Variants in PTCRA observed in about 807,000 individuals in gnomAD.
The protein encoded by PTCRA is pre T cell antigen receptor alpha, also known as pre T-cell antigen receptor alpha.
PTCRA carries 9 observed loss-of-function variants against 13.4 expected under a neutral mutation model. The ratio of observed to expected loss-of-function variants is 0.67; its 90% confidence interval spans 0.41 to 1.18. The LOEUF (loss-of-function observed/expected upper bound fraction) is 1.18, where lower values mean the gene tolerates loss of function less well. Ranked by LOEUF, PTCRA falls within the 50% of genes most tolerant of loss-of-function variation. PTCRA has a pLI of 0.01. For missense variants in PTCRA, 353 were observed against 359.8 expected (o/e 0.98, Z 0.15); for synonymous variants, 153 against 161.9 (o/e 0.94, Z 0.42).
At chr6:42,921,258 C>G (rs564794368) in intron 1 of PTCRA, among the ~76,000 whole-genome samples, 2 of 150,828 alleles carry the variant, frequency 1.3e-5, no homozygotes, top group African/African-American at 2.4e-5. Flanking sequence ...TGCACCACCA[C>G]GCCCGACTAA....
Position 42,916,132 on chromosome 6 carries a change from G to A in PTCRA, c.58+5G>A, listed in dbSNP as rs1341859576. 1.1e-5 allele frequency: 18 copies of A among 1,613,760 alleles called. No individual in the cohort carries two copies. The highest frequency in any genetic ancestry group is 5.5e-5 in the South Asian group (5 of 91,060). On this transcript the variant is annotated splice_donor_5th_base_variant and intron_variant, in intron 1 of 3. Coordinates refer to ENST00000304672, the MANE Select transcript of PTCRA (RefSeq NM_138296.3). Reference sequence around the variant, plus strand: ...GGTGTCCAGCCCTACCCACAGGTGAGCCCCCTCTTTGCCTTCCTCTCTGTC... The same window carrying A: ...GGTGTCCAGCCCTACCCACAGGTGAACCCCCTCTTTGCCTTCCTCTCTGTC...
In PTCRA at chr6:42,922,364, G is replaced by A. The variant is rs902140191; in HGVS notation, c.59-663G>A. On this transcript the variant is annotated intron_variant, in intron 1 of 3. Coordinates refer to ENST00000304672, the MANE Select transcript of PTCRA (RefSeq NM_138296.3). ...CCCAATGTTGTATCTCTAGTTCCTG[G>A]AACAGAAAGGGGCTCGGATATCATA... The A allele has an allele frequency of 2.6e-5, 17 of 648,862 alleles. No individual in the cohort carries two copies. In the African/African-American group the frequency reaches 3.1e-4, roughly 12 times the overall value. 40.2% of individuals were successfully genotyped at this position (648,862 alleles called of 1,614,324 possible).
intron 1 of PTCRA, chr6:42,922,174 A>G (rs1017392267): frequency 4.4e-6 from 3 of 687,828 alleles, no homozygotes; most frequent in African/African-American, 3.6e-5. Context: ...AAAAGAAACA[A>G]AAAGTTACAG....
At chr6:42,919,072 T>C (rs1247802174) in intron 1 of PTCRA, among the ~76,000 whole-genome samples, 1 of 141,226 alleles carries the variant, frequency 7.1e-6, no homozygotes, top group African/African-American at 2.7e-5. Context: ...TGAGACAGAG[T>C]CCCGCTCTGT....
intron 1 of PTCRA, among the ~76,000 whole-genome samples, chr6:42,919,726 AG>A (rs1424038969): frequency 6.6e-6 from 1 of 150,650 alleles, no homozygotes; most frequent in African/African-American, 2.4e-5. Flanking sequence ...CAAAAAAAAA[AG>A]AAAAAAAATT....
chr6:42,923,073 G>C lies in PTCRA; in HGVS notation c.105G>C (p.Leu35=). The change falls in exon 2 of 4, where the codon CTG becomes CTC. Residue 35 remains leucine, a synonymous_variant. Transcript: ENST00000304672. The stretch of plus-strand genomic sequence containing the variant: ...CTTCTCTGGCCCCACCAATCATGCT[G>C]CTGGTGGATGGAAAGCAGCAGATGG... ...PFPSLAPPIM[L]LVDGKQQMVV... is the part of the protein sequence containing the mutation. 8 of 1,614,250 alleles carry C rather than the reference G, an allele frequency of 5.0e-6. No homozygotes were observed. Among genetic ancestry groups the C allele is most frequent in the Non-Finnish European group, 6.8e-6 (8 of 1,180,052 alleles).
intron 1 of PTCRA, chr6:42,922,256 A>G (rs1767208369): frequency 1.4e-6 from 1 of 702,564 alleles, no homozygotes; most frequent in Non-Finnish European, 2.6e-6. Flanking sequence ...GGCTGCCACA[A>G]CAGGGTATTA....
In PTCRA at chr6:42,925,754, G is replaced by C; in HGVS notation, c.*72G>C. On this transcript the variant is annotated 3_prime_UTR_variant, in exon 4 of 4. Transcript: ENST00000304672. This position sits in a 1 kb window ranked among gnomAD's most constrained non-coding sequence, Gnocchi z 4.4. ...TCTGCCATCCAAAAGGGGGCCCCTT[G>C]AGAATGGTGATCCACCCAGTTACAG... The C allele has an allele frequency of 9.5e-7, 1 of 1,054,668 alleles. No individual in the cohort carries two copies. The highest frequency in any genetic ancestry group is 2.7e-5 in the East Asian group (1 of 37,292). 65.3% of individuals were successfully genotyped at this position (1,054,668 alleles called of 1,614,324 possible). A position where few individuals can be genotyped will look rare whatever the true frequency, so the allele number is the denominator to read the frequency against.
Position 42,916,075 on chromosome 6 carries a change from C to G in PTCRA, c.6C>G (p.Ala2=). Residue 2 remains alanine, a synonymous_variant, in exon 1 of 4, where the codon GCC becomes GCG. Transcript: ENST00000304672. ...TGCCTCCTTCCGAGTGGGCCATGGC[C>G]GGTACATGGCTGCTACTTCTCCTGG... M[A]GTWLLLLLAL... The G allele has an allele frequency of 6.2e-7, 1 of 1,613,906 alleles. No homozygotes were observed. The highest frequency in any genetic ancestry group is 8.5e-7 in the Non-Finnish European group (1 of 1,179,866).
At chr6:42,924,799 C>T (rs1041145844) in intron 3 of PTCRA, among the ~76,000 whole-genome samples, 4 of 151,944 alleles carry the variant, frequency 2.6e-5, no homozygotes, top group African/African-American at 7.3e-5. Flanking sequence ...GGTGAAACCC[C>T]GTCTCTACTA....
At chr6:42,923,751 A>T (rs565807272) in intron 2 of PTCRA, among the ~76,000 whole-genome samples, 1 of 152,330 alleles carries the variant, frequency 6.6e-6, no homozygotes. Flanking sequence ...GACAGGTCAT[A>T]TAATTCCCTC....
chr6:42,918,284 C>T (rs912090720), intron 1 of PTCRA, among the ~76,000 whole-genome samples: 3 of 149,892 alleles, frequency 2.0e-5, no homozygotes, highest in Non-Finnish European at 4.4e-5. Context: ...GCATGGGGCT[C>T]ATGCCTGTAA....
intron 3 of PTCRA, 70 bp downstream of exon 3, chr6:42,924,343 C>T: frequency 7.3e-7 from 1 of 1,373,134 alleles, no homozygotes; most frequent in Non-Finnish European, 1.0e-6. Flanking sequence ...GGGGTGGGGC[C>T]TTCAGCTCTG....
At chr6:42,916,584 A>C (rs1309444107) in intron 1 of PTCRA, among the ~76,000 whole-genome samples, 1 of 152,150 alleles carries the variant, frequency 6.6e-6, no homozygotes, top group South Asian at 2.1e-4. Context: ...AATAGGACTC[A>C]GGGTGTCTCA....
chr6:42,919,185 G>C (rs946298291), intron 1 of PTCRA, among the ~76,000 whole-genome samples: 1 of 148,780 alleles, frequency 6.7e-6, no homozygotes, highest in African/African-American at 2.5e-5. Flanking sequence ...TAGTAGAGAC[G>C]GGGTTTCACC....
At chr6:42,923,839 A>C (rs78524782) in intron 2 of PTCRA, among the ~76,000 whole-genome samples, 2,135 of 152,314 alleles carry the variant, frequency 0.014, 46 homozygotes, top group African/African-American at 0.049. Flanking sequence ...GTATTTTGAA[A>C]CAGTCAGCTA....
intron 1 of PTCRA, among the ~76,000 whole-genome samples, chr6:42,922,530 C>T (rs1331208806): frequency 4.0e-5 from 6 of 151,890 alleles, no homozygotes; most frequent in African/African-American, 7.3e-5. Flanking sequence ...GGGTGGATCA[C>T]GAGGTCAGGA....
intron 1 of PTCRA, chr6:42,922,378 T>C: frequency 1.6e-6 from 1 of 629,276 alleles, no homozygotes. Context: ...AGAAAGGGGC[T>C]CGGATATCAT....
Position 42,923,140 on chromosome 6 carries a change from G to T in PTCRA, c.172G>T (p.Asp58Tyr), listed in dbSNP as rs1251820745. 1 of 1,614,212 alleles carries T rather than the reference G, an allele frequency of 6.2e-7. No homozygotes were observed. The highest frequency in any genetic ancestry group is 1.1e-5 in the South Asian group (1 of 91,086). ...CCTTGATGTTGCACCCCCTGGCCTT[G>T]ACAGCCCCATCTGGTTCTCAGCCGG... ...LVLDVAPPGL[D>Y]SPIWFSAGNG... is the part of the protein sequence containing the mutation. The change falls in exon 2 of 4, where the codon GAC (aspartate) becomes TAC (tyrosine). Residue 58 changes from aspartate (D) to tyrosine (Y), a missense_variant. Asp to Tyr is a radical substitution (Grantham distance 160, BLOSUM62 -3). Coordinates refer to ENST00000304672, the MANE Select transcript of PTCRA (RefSeq NM_138296.3).
Sources: gnomAD v4.1 joint callset for allele counts (sites outside exome capture counted in the v4.1 genomes callset) on GRCh38, gnomAD v4.1.1 for gene constraint, Gnocchi (gnomAD v3.1) non-coding constraint, MANE v1.5 for transcripts, NCBI Gene and HGNC (gene_info 2026-07-23, HGNC 2026-07-21) for gene names.